The following CACTIN variants were observed in gnomAD, a reference collection of about 807,000 sequenced individuals.
CACTIN encodes cactin, spliceosome C complex subunit, also known as splicing factor Cactin.
Under a neutral mutation model 84.9 loss-of-function variants are expected in CACTIN, and 20 were observed. The observed-to-expected ratio is 0.24, with a 90% CI of 0.17 to 0.34. CACTIN has a LOEUF of 0.34. CACTIN is among the 10% of genes least tolerant of loss of function. CACTIN has a pLI of 1.00. For synonymous variants in CACTIN, 549 were observed against 467.9 expected (o/e 1.17, Z -2.24); for missense variants, 897 against 1,117.2 (o/e 0.80, Z 2.81).
intron 3 of CACTIN, 38 bp from the exon 4 acceptor site, chr19:3,620,310 C>A: frequency 1.9e-6 from 3 of 1,540,334 alleles, no homozygotes; most frequent in Non-Finnish European, 2.6e-6. Flanking sequence ...GGGGACCGTG[C>A]GGTCTGCAGG....
Position 3,613,233 on chromosome 19 carries a change from GC to G in CACTIN, c.1610del (p.Gly537AlafsTer10). On this transcript the variant is annotated frameshift_variant, in exon 9 of 10. Transcript: ENST00000429344. LOFTEE classifies it high-confidence loss of function. ...GDGDGEGEGE[G>X]EAVLMEEDLI... ...GGTCCTCCTCCATGAGCACCGCCTC[GC>G]CCTCGCCCTCGCCCTCACCGTCCCC... The G allele has an allele frequency of 6.2e-7, 1 of 1,603,988 alleles. No individual in the cohort carries two copies.
Position 3,613,321 on chromosome 19 carries a change from G to T in CACTIN, c.1523C>A (p.Ser508Ter). The T allele has an allele frequency of 6.4e-7, 1 of 1,561,982 alleles. No homozygotes were observed. Among genetic ancestry groups the T allele is most frequent in the Non-Finnish European group, 8.6e-7 (1 of 1,161,158 alleles). ...DAAPTPPGPSSEGGPAEAEVD... is the reference protein window; with the variant it reads ...DAAPTPPGPS ...CTCGGCCTCCGCGGGGCCGCCCTCC[G>T]AGGAGGGCCCGGGCGGGGTGGGCGC... The change falls in exon 9 of 10, where the codon TCG (serine) becomes TAG (stop). Residue 508 changes from serine to a stop codon, truncating the protein, a stop_gained. Coordinates refer to ENST00000429344, the MANE Select transcript of CACTIN (RefSeq NM_001080543.2). LOFTEE classifies it high-confidence loss of function.
At chr19:3,619,348 A>C in intron 4 of CACTIN, 106 bp from the exon 5 acceptor site, 3 of 1,371,840 alleles carry the variant, frequency 2.2e-6, no homozygotes, top group Non-Finnish European at 2.9e-6. Context: ...GAGGGGCCTG[A>C]CCCGTTGGGG....
intron 4 of CACTIN, among the ~76,000 whole-genome samples, chr19:3,619,570 G>C (rs1169967715): frequency 6.6e-6 from 1 of 152,198 alleles, no homozygotes; most frequent in African/African-American, 2.4e-5. Context: ...GAGTGGAGGA[G>C]CTGAAGCAGA....
chr19:3,611,056 G>C lies in CACTIN; in HGVS notation c.*867C>G, dbSNP rs149786186. The C allele has an allele frequency of 2.4e-6, 1 of 423,470 alleles. No homozygotes were observed. Among genetic ancestry groups the C allele is most frequent in the African/African-American group, 2.0e-5 (1 of 49,348 alleles). 26.2% of individuals were successfully genotyped at this position (423,470 alleles called of 1,614,324 possible). ...GGTCTCATGCTCCAAGGCCCCGTGA[G>C]CAGGCCAGGTGGGGGGATCCCTGGG... On this transcript the variant is annotated 3_prime_UTR_variant, in exon 10 of 10. Coordinates refer to ENST00000429344, the MANE Select transcript of CACTIN (RefSeq NM_001080543.2).
rs1262716884 is a variant in CACTIN, at chr19:3,620,250, C to T, written c.761G>A (p.Arg254Gln). Residue 254 changes from arginine to glutamine, a missense_variant, in exon 4 of 10, where the codon CGG becomes CAG. Arg to Gln is a conservative substitution (Grantham distance 43, BLOSUM62 1). This residue lies in a region of CACTIN where 304 missense variants were observed against 444.3 expected (regional missense o/e 0.68). Transcript: ENST00000429344. ...LQKVKQLRLEREREKAMREQE... is the reference protein window; with the variant it reads ...LQKVKQLRLEQEREKAMREQE... ...CTCGCGCATGGCCTTCTCCCGCTCC[C>T]GCTCCAGCCGCAGCTGCTTCACCTG... The T allele has an allele frequency of 1.9e-6, 3 of 1,578,194 alleles. No homozygotes were observed. The African/African-American group carries it at 4.0e-5, about 21-fold the overall frequency.
Position 3,611,555 on chromosome 19 carries a change from G to C in CACTIN, c.*368C>G, listed in dbSNP as rs1419128711. ...CAACACCCTGTGTGGCCGCCACTTGGGGCAGGCCCTGTGGGCCCCACCCAG... is the reference window on the plus strand; with the variant it reads ...CAACACCCTGTGTGGCCGCCACTTGCGGCAGGCCCTGTGGGCCCCACCCAG... On this transcript the variant is annotated 3_prime_UTR_variant, in exon 10 of 10. Coordinates refer to ENST00000429344, the MANE Select transcript of CACTIN (RefSeq NM_001080543.2). The C allele has an allele frequency of 5.4e-6, 2 of 372,434 alleles. No homozygotes were observed. The highest frequency in any genetic ancestry group is 1.0e-5 in the Non-Finnish European group (2 of 192,574). The allele number at this position is 372,434 out of a possible 1,614,324, so 23.1% of individuals were successfully genotyped here. A position where few individuals can be genotyped will look rare whatever the true frequency, so the allele number is the denominator to read the frequency against.
Position 3,611,882 on chromosome 19 carries a change from C to G in CACTIN, c.*41G>C. Reference sequence around the variant, plus strand: ...CACCAGCTTCACCGAAGCCCCTTTACTGTGCCCCCGAGGACACCTGCCTGC... The same window carrying G: ...CACCAGCTTCACCGAAGCCCCTTTAGTGTGCCCCCGAGGACACCTGCCTGC... On this transcript the variant is annotated 3_prime_UTR_variant, in exon 10 of 10. Transcript: ENST00000429344. 1 of 1,602,882 alleles carries G rather than the reference C, an allele frequency of 6.2e-7. No individual in the cohort carries two copies. The highest frequency in any genetic ancestry group is 1.7e-5 in the Admixed American group (1 of 58,416).
chr19:3,614,219 C>A (rs567326681), intron 7 of CACTIN, among the ~76,000 whole-genome samples, 178 bp downstream of exon 7: 1 of 141,636 alleles, frequency 7.1e-6, no homozygotes, highest in Non-Finnish European at 1.5e-5. Context: ...GGACTACGCG[C>A]CCCCCGGCCC....
chr19:3,613,823 C>G (rs1208405423), intron 7 of CACTIN: 2 of 567,242 alleles, frequency 3.5e-6, no homozygotes, highest in South Asian at 2.3e-5. Context: ...AGGTGGGTCT[C>G]TGTCTCACGC....
chr19:3,620,095 TG>T (rs2033190919), intron 4 of CACTIN, 31 bp downstream of exon 4: 1 of 1,605,258 alleles, frequency 6.2e-7, no homozygotes. Flanking sequence ...GCTCCAAGTC[TG>T]GGTCGGAGGG....
Position 3,613,157 on chromosome 19 carries a change from G to A in CACTIN, c.1687C>T (p.Leu563=). 1.2e-6 allele frequency: 2 copies of A among 1,609,982 alleles called. No homozygotes were observed. Among genetic ancestry groups the A allele is most frequent in the South Asian group, 1.1e-5 (1 of 91,056 alleles). ...DYDAGRYSPR[L]LTAHELPLDA... ...AGTGGCAGCTCGTGCGCCGTGAGCAGCCGCGGGCTGTACCTGCCGGCGTCG... is the reference window on the plus strand; with the variant it reads ...AGTGGCAGCTCGTGCGCCGTGAGCAACCGCGGGCTGTACCTGCCGGCGTCG... Residue 563 remains leucine, a synonymous_variant, in exon 9 of 10, where the codon CTG becomes TTG. Coordinates refer to ENST00000429344, the MANE Select transcript of CACTIN (RefSeq NM_001080543.2).
At chr19:3,613,714 T>C in intron 7 of CACTIN, 128 bp from the exon 8 acceptor site, 1 of 1,361,048 alleles carries the variant, frequency 7.3e-7, no homozygotes, top group South Asian at 1.4e-5. Flanking sequence ...CGGCTCTGGC[T>C]GGGACCTTTG....
Position 3,623,433 on chromosome 19 carries a change from G to A in CACTIN, c.642+255C>T, listed in dbSNP as rs1476828136. On this transcript the variant is annotated intron_variant, in intron 2 of 9. Coordinates refer to ENST00000429344, the MANE Select transcript of CACTIN (RefSeq NM_001080543.2). ...AGCCCCAGCTACTCAGGAGGCTGAG[G>A]CAGGAGAATGGCATGAACCCGGGAG... Among the ~76,000 whole-genome samples the A allele has an allele frequency of 3.9e-5, 6 of 151,940 alleles. No individual in the cohort carries two copies. In the East Asian group the frequency reaches 1.2e-3, roughly 29 times the overall value.
At position 3,619,228 on chromosome 19, in the gene CACTIN, A is replaced by C; in HGVS notation, c.899T>G (p.Ile300Ser). 6.2e-7 allele frequency: 1 copy of C among 1,613,268 alleles called. No homozygotes were observed. ...QQAKLRSKIR[I>S]RDGRAKPIDL... ...GATGGGCTTGGCCCGCCCGTCCCGGATGCGGATCTTGGAACTGTGGGGAGC... is the reference window on the plus strand; with the variant it reads ...GATGGGCTTGGCCCGCCCGTCCCGGCTGCGGATCTTGGAACTGTGGGGAGC... The change falls in exon 5 of 10, where the codon ATC becomes AGC. Residue 300 changes from isoleucine to serine, a missense_variant. Around this residue, in one of 8 missense-constraint regions of CACTIN, gnomAD observed 304 missense variants for 444.3 expected, o/e 0.68. Coordinates refer to ENST00000429344, the MANE Select transcript of CACTIN (RefSeq NM_001080543.2).
intron 1 of CACTIN, among the ~76,000 whole-genome samples, chr19:3,625,681 C>G (rs1189404333): frequency 2.6e-4 from 39 of 152,208 alleles, no homozygotes. Flanking sequence ...CAGCCGAGAT[C>G]GTGCCACTGC....
Position 3,626,710 on chromosome 19 carries a change from C to T in CACTIN, c.53G>A (p.Arg18Lys), listed in dbSNP as rs781316893. 18 of 1,502,358 alleles carry T rather than the reference C, an allele frequency of 1.2e-5. No individual in the cohort carries two copies. In the South Asian group the frequency reaches 2.0e-4, roughly 17 times the overall value. 93.1% of individuals were successfully genotyped at this position (1,502,358 alleles called of 1,614,324 possible). The change falls in exon 1 of 10, where the codon AGG becomes AAG. Residue 18 changes from arginine to lysine, a missense_variant. Physicochemically the swap from Arg to Lys is conservative, Grantham distance 26 (BLOSUM62 2). Coordinates refer to ENST00000429344, the MANE Select transcript of CACTIN (RefSeq NM_001080543.2). ...RSRSAGRRGR[R>K]RQSQSGSRSR... Reference sequence around the variant, plus strand: ...TCGGCTCCCGCTCTGACTCTGCCGCCTTCGGCCCCGGCGACCCGCGGACCG... The same window carrying T: ...TCGGCTCCCGCTCTGACTCTGCCGCTTTCGGCCCCGGCGACCCGCGGACCG...
Position 3,618,951 on chromosome 19 carries a change from G to A in CACTIN, c.1086C>T (p.Phe362=). ...CGGTGATGGTGGTCATGTCCCGCCA[G>A]AAGTCGGCGTTCTTGCCCTGCTCCA... ...MELEQGKNAD[F]WRDMTTITED... is the part of the protein sequence containing the mutation. The change falls in exon 6 of 10, where the codon TTC becomes TTT. Residue 362 remains phenylalanine (F), a synonymous_variant. Coordinates refer to ENST00000429344, the MANE Select transcript of CACTIN (RefSeq NM_001080543.2). 1.3e-6 allele frequency: 2 copies of A among 1,559,240 alleles called. No individual in the cohort carries two copies. Among genetic ancestry groups the A allele is most frequent in the Non-Finnish European group, 1.7e-6 (2 of 1,151,382 alleles).
At chr19:3,618,783 G>A in intron 6 of CACTIN, 92 bp downstream of exon 6, 2 of 1,033,528 alleles carry the variant, frequency 1.9e-6, no homozygotes, top group Non-Finnish European at 2.8e-6. Context: ...GGCCTGCAGA[G>A]AGCACCAGGC....
Sources: gnomAD v4.1 joint callset for allele counts (sites outside exome capture counted in the v4.1 genomes callset) on GRCh38, gnomAD v4.1.1 for gene constraint, gnomAD v4.1.1 regional missense constraint, MANE v1.5 for transcripts, NCBI Gene and HGNC (gene_info 2026-07-23, HGNC 2026-07-21) for gene names.